SLC36A1: variants seen among roughly 807,000 people sequenced by gnomAD.
The protein encoded by SLC36A1 is solute carrier family 36 member 1.
In SLC36A1, 30 loss-of-function variants were observed where a neutral mutation model predicts 47.5. That is an observed-to-expected ratio of 0.63 (90% confidence interval 0.47 to 0.86). The LOEUF is 0.86. Ranked by LOEUF, SLC36A1 falls within the 40% of genes least tolerant of loss-of-function variation. SLC36A1 has a pLI of 0.00. For synonymous variants in SLC36A1, 255 were observed against 249.7 expected, an observed-to-expected ratio of 1.02 and a Z score of -0.20; for missense variants, 517 against 606.0, an observed-to-expected ratio of 0.85 and a Z score of 1.54.
At chr5:151,401,614 C>T in the SLC36A1 span, among the ~76,000 whole-genome samples, 1 of 152,126 alleles carries the variant, frequency 6.6e-6, no homozygotes, top group Non-Finnish European at 1.5e-5. Flanking sequence ...TTGCTTTTGG[C>T]AGTATGGTCA....
chr5:151,543,263 A>G, the SLC36A1 span: 5 of 1,614,200 alleles, frequency 3.1e-6, no homozygotes, highest in South Asian at 1.1e-5. Flanking sequence ...TTCACTGAGT[A>G]GGTGACATCT....
chr5:151,494,847 T>C (rs186184506), downstream of SLC36A1, among the ~76,000 whole-genome samples: 4 of 152,340 alleles, frequency 2.6e-5, no homozygotes, highest in Admixed American at 2.6e-4. Context: ...GAGTATGTTA[T>C]GAGGGCAACT....
At chr5:151,434,047 G>A (rs193268743), upstream of SLC36A1, among the ~76,000 whole-genome samples, 27 of 152,336 alleles carry the variant, frequency 1.8e-4, no homozygotes, top group Admixed American at 1.6e-3. Context: ...CCAGAATGTA[G>A]TTCACAAGAA....
the SLC36A1 span, chr5:151,420,005 A>G: frequency 1.3e-5 from 2 of 152,244 alleles, no homozygotes; most frequent in Non-Finnish European, 2.9e-5. Context: ...AGAGCAGGAT[A>G]CTTTGTTAGG....
At chr5:151,457,289 A>G (rs1384944247) in intron 1 of SLC36A1, among the ~76,000 whole-genome samples, 1 of 151,926 alleles carries the variant, frequency 6.6e-6, no homozygotes, top group Non-Finnish European at 1.5e-5. Flanking sequence ...TTGATTCTTC[A>G]TCTTTAAAGT....
chr5:151,509,142 C>G, the SLC36A1 span, among the ~76,000 whole-genome samples: 16 of 152,284 alleles, frequency 1.1e-4, no homozygotes, highest in African/African-American at 3.6e-4. Flanking sequence ...CCAAGTGGAA[C>G]CATTTTCCCC....
At chr5:151,537,280 A>T in the SLC36A1 span, among the ~76,000 whole-genome samples, 65 of 148,220 alleles carry the variant, frequency 4.4e-4, no homozygotes, top group African/African-American at 1.5e-3. Flanking sequence ...GTGGTGGTGG[A>T]GGAGGAGGAG....
At chr5:151,470,902 A>G (rs1757229172) in intron 7 of SLC36A1, 1 of 152,226 alleles carries the variant, frequency 6.6e-6, no homozygotes, top group Non-Finnish European at 1.5e-5. Context: ...CAAATGGAAC[A>G]GTTCTGGGCA....
At chr5:151,360,805 C>T in the SLC36A1 span, among the ~76,000 whole-genome samples, 4 of 152,226 alleles carry the variant, frequency 2.6e-5, no homozygotes, top group African/African-American at 9.6e-5. Flanking sequence ...GCTGCTGCTT[C>T]TTCTTCCTCC....
At chr5:151,428,090 C>T in the SLC36A1 span, among the ~76,000 whole-genome samples, 1 of 152,190 alleles carries the variant, frequency 6.6e-6, no homozygotes, top group Non-Finnish European at 1.5e-5. Context: ...GTGGCTCTCC[C>T]TGGCGGCAAC....
At chr5:151,347,843 C>G in the SLC36A1 span, among the ~76,000 whole-genome samples, 6 of 152,256 alleles carry the variant, frequency 3.9e-5, no homozygotes, top group East Asian at 5.8e-4. Context: ...TCTCATTTAA[C>G]CCTATCAATT....
the SLC36A1 span, among the ~76,000 whole-genome samples, chr5:151,365,207 C>G: frequency 6.8e-4 from 104 of 152,288 alleles, no homozygotes; most frequent in African/African-American, 2.5e-3. Context: ...TACTGGAGGT[C>G]CACTGTCTCC....
intron 5 of SLC36A1, 88 bp from the exon 6 acceptor site, chr5:151,467,109 TAA>T: frequency 9.6e-7 from 1 of 1,038,730 alleles, no homozygotes; most frequent in Non-Finnish European, 1.5e-6. Context: ...CTAAATCTAT[TAA>T]AAAACAAAAA....
At chr5:151,391,886 G>A in the SLC36A1 span, among the ~76,000 whole-genome samples, 18 of 152,118 alleles carry the variant, frequency 1.2e-4, no homozygotes, top group Admixed American at 2.0e-4. Flanking sequence ...GTCTCTGCCC[G>A]GCTTTGGTAT....
downstream of SLC36A1, among the ~76,000 whole-genome samples, chr5:151,496,406 G>C (rs165331): frequency 6.6e-6 from 1 of 152,040 alleles, no homozygotes; most frequent in Non-Finnish European, 1.5e-5. Flanking sequence ...AAACAGACTA[G>C]TACGTATGGT....
chr5:151,372,184 C>G, the SLC36A1 span, among the ~76,000 whole-genome samples: 1 of 152,274 alleles, frequency 6.6e-6, no homozygotes. Flanking sequence ...CACAGAGTCT[C>G]TCAGTTGTTG....
At chr5:151,422,502 G>A in the SLC36A1 span, among the ~76,000 whole-genome samples, 2 of 152,140 alleles carry the variant, frequency 1.3e-5, no homozygotes, top group African/African-American at 2.4e-5. Flanking sequence ...CCTCTGAAAC[G>A]GCAGAGTATT....
At chr5:151,356,339 C>CAAACAAAAAAAAAAAAAAAAAAAAAA in the SLC36A1 span, among the ~76,000 whole-genome samples, 2 of 51,314 alleles carry the variant, frequency 3.9e-5, no homozygotes, top group African/African-American at 1.1e-4. Flanking sequence ...CTCTGTCTCA[C>CAAACAAAAAAAAAAAAAAAAAAAAAA]AAAAAAAAAA....
the SLC36A1 span, among the ~76,000 whole-genome samples, chr5:151,400,166 C>T: frequency 6.6e-6 from 1 of 152,218 alleles, no homozygotes; most frequent in Non-Finnish European, 1.5e-5. Context: ...CCCTTCCTCC[C>T]CCGTCTAGTA....
Sources: gnomAD v4.1 joint callset for allele counts (sites outside exome capture counted in the v4.1 genomes callset) on GRCh38, gnomAD v4.1.1 for gene constraint, MANE v1.5 for transcripts, NCBI Gene and HGNC (gene_info 2026-07-23, HGNC 2026-07-21) for gene names.